Variants in LDLRAD3 observed in about 807,000 individuals in gnomAD.
LDLRAD3 encodes the protein low-density lipoprotein receptor class A domain-containing protein 3.
LDLRAD3 carries 20 observed loss-of-function variants against 29.4 expected under a neutral mutation model. The observed-to-expected ratio is 0.68, with a 90% CI of 0.48 to 0.99. LDLRAD3 has a LOEUF of 0.99. Ranked by LOEUF, LDLRAD3 falls within the 50% of genes least tolerant of loss-of-function variation. The probability of loss-of-function intolerance (pLI) is 0.00; values close to 1 mark genes in which losing one functional copy is unlikely to be tolerated. For synonymous variants in LDLRAD3, 157 were observed against 192.7 expected (o/e 0.81, Z 1.53); for missense variants, 420 against 454.3 (o/e 0.92, Z 0.69).
At chr11:35,979,032 G>C (rs985343084) in intron 1 of LDLRAD3, among the ~76,000 whole-genome samples, 5 of 152,148 alleles carry the variant, frequency 3.3e-5, no homozygotes, top group Non-Finnish European at 5.9e-5. Context: ...TATTTGAGTT[G>C]TTTTTCTTTC....
At chr11:35,995,168 G>A (rs1851738417) in intron 1 of LDLRAD3, among the ~76,000 whole-genome samples, 3 of 152,204 alleles carry the variant, frequency 2.0e-5, no homozygotes, top group Admixed American at 6.5e-5. Flanking sequence ...CAGTATCAAT[G>A]GCAGATATAG....
intron 4 of LDLRAD3, among the ~76,000 whole-genome samples, chr11:36,191,680 T>A (rs576784635): frequency 6.7e-6 from 1 of 149,932 alleles, no homozygotes; most frequent in Non-Finnish European, 1.5e-5. Flanking sequence ...TTTGAATTCG[T>A]TGAGAAGAGA....
At chr11:36,083,270 T>A (rs974134096) in intron 3 of LDLRAD3, among the ~76,000 whole-genome samples, 6 of 152,236 alleles carry the variant, frequency 3.9e-5, no homozygotes, top group African/African-American at 2.4e-5. Flanking sequence ...TATAGTATCA[T>A]ACGGAATAGT....
chr11:36,109,089 G>C (rs1321296584), intron 4 of LDLRAD3, among the ~76,000 whole-genome samples: 1 of 152,204 alleles, frequency 6.6e-6, no homozygotes, highest in Admixed American at 6.5e-5. Context: ...GGAGGATTTT[G>C]CTAAACTGAC....
intron 4 of LDLRAD3, among the ~76,000 whole-genome samples, 163 bp downstream of exon 4, chr11:36,098,624 T>C (rs1236080677): frequency 6.6e-6 from 1 of 152,260 alleles, no homozygotes; most frequent in African/African-American, 2.4e-5. Flanking sequence ...TACCCGTGTT[T>C]ACGTGGCTTT....
chr11:36,130,257 T>C (rs1212136285), intron 4 of LDLRAD3, among the ~76,000 whole-genome samples: 2 of 152,094 alleles, frequency 1.3e-5, no homozygotes, highest in Non-Finnish European at 2.9e-5. Context: ...GATAAGACCC[T>C]GAAGAGAAGA....
At chr11:36,062,379 T>C (rs1035467111) in intron 2 of LDLRAD3, among the ~76,000 whole-genome samples, 1 of 152,166 alleles carries the variant, frequency 6.6e-6, no homozygotes, top group Non-Finnish European at 1.5e-5. Context: ...TTCTTTTTGT[T>C]ACTGAAACAC....
chr11:36,120,254 G>A (rs7121810), intron 4 of LDLRAD3, among the ~76,000 whole-genome samples: 65,676 of 151,890 alleles, frequency 0.43, 15,012 homozygotes, highest in Admixed American at 0.51. Context: ...TGATGTAACA[G>A]GCATTTTTTT....
chr11:36,217,706 C>T (rs996352149), intron 4 of LDLRAD3, among the ~76,000 whole-genome samples: 10 of 152,212 alleles, frequency 6.6e-5, no homozygotes, highest in African/African-American at 2.4e-4. Context: ...TTTGTTCTTT[C>T]TGGAGGCTCT....
At chr11:36,207,448 A>C (rs1452387851) in intron 4 of LDLRAD3, among the ~76,000 whole-genome samples, 6 of 152,184 alleles carry the variant, frequency 3.9e-5, no homozygotes, top group Non-Finnish European at 8.8e-5. Flanking sequence ...GAGGGAGTTC[A>C]AGATCAGCCT....
chr11:36,225,518 C>T (rs1263850166), intron 4 of LDLRAD3, among the ~76,000 whole-genome samples: 1 of 152,100 alleles, frequency 6.6e-6, no homozygotes, highest in African/African-American at 2.4e-5. Flanking sequence ...TGTACCAGAC[C>T]TTCACCCTGG....
chr11:36,077,256 T>C (rs1853028600), intron 2 of LDLRAD3, among the ~76,000 whole-genome samples: 1 of 152,238 alleles, frequency 6.6e-6, no homozygotes, highest in Non-Finnish European at 1.5e-5. Context: ...CCTCCTGTAT[T>C]TCTTTTGCAC....
At chr11:36,090,773 A>G (rs1412634665) in intron 3 of LDLRAD3, among the ~76,000 whole-genome samples, 1 of 152,164 alleles carries the variant, frequency 6.6e-6, no homozygotes, top group Non-Finnish European at 1.5e-5. Flanking sequence ...TTCCTCTCCT[A>G]CAGACACAGA....
intron 4 of LDLRAD3, among the ~76,000 whole-genome samples, chr11:36,143,577 G>C (rs1247123102): frequency 6.6e-6 from 1 of 152,210 alleles, no homozygotes; most frequent in South Asian, 2.1e-4. Context: ...AAGAGAAACA[G>C]GTATGGAGAC....
chr11:36,188,408 G>T (rs1372969586), intron 4 of LDLRAD3, among the ~76,000 whole-genome samples: 3 of 141,434 alleles, frequency 2.1e-5, no homozygotes, highest in Non-Finnish European at 3.1e-5. Flanking sequence ...AATTGTGGAA[G>T]CTGGAGAACA....
chr11:35,988,028 AT>A (rs1851636577), intron 1 of LDLRAD3, among the ~76,000 whole-genome samples: 3 of 152,092 alleles, frequency 2.0e-5, no homozygotes, highest in Admixed American at 2.0e-4. Flanking sequence ...TTTTAAAAAT[AT>A]GTTTCTTGGC....
intron 4 of LDLRAD3, among the ~76,000 whole-genome samples, chr11:36,145,158 G>T (rs1343785368): frequency 8.0e-6 from 1 of 124,244 alleles, no homozygotes; most frequent in Non-Finnish European, 1.7e-5. Flanking sequence ...AGGGAGGTGG[G>T]GGGGTCAGCC....
chr11:36,098,027 ATCTCAGAGAGAT>A (rs1853388606), intron 3 of LDLRAD3, among the ~76,000 whole-genome samples: 1 of 152,230 alleles, frequency 6.6e-6, no homozygotes, highest in Non-Finnish European at 1.5e-5. Context: ...GATTTGATGC[ATCTCAGAGAGAT>A]TCCTGTTGCT....
chr11:35,999,527 G>A (rs1851796469), intron 1 of LDLRAD3, among the ~76,000 whole-genome samples: 1 of 152,138 alleles, frequency 6.6e-6, no homozygotes, highest in African/African-American at 2.4e-5. Flanking sequence ...TGGTGTTCTT[G>A]GCTTCTCATT....
Sources: gnomAD v4.1 joint callset for allele counts (sites outside exome capture counted in the v4.1 genomes callset) on GRCh38, gnomAD v4.1.1 for gene constraint, MANE v1.5 for transcripts, NCBI Gene and HGNC (gene_info 2026-07-23, HGNC 2026-07-21) for gene names.